ZFHX2: variants seen among roughly 807,000 people sequenced by gnomAD.
ZFHX2 encodes zinc finger homeobox protein 2.
Under a neutral mutation model 164.8 loss-of-function variants are expected in ZFHX2, and 75 were observed. That is an observed-to-expected ratio of 0.46 (90% confidence interval 0.38 to 0.55). The LOEUF is 0.55. Ranked by LOEUF, ZFHX2 falls within the 20% of genes least tolerant of loss-of-function variation. ZFHX2 has a pLI of 0.00. For synonymous variants in ZFHX2, 1,217 were observed against 1,351.4 expected (o/e 0.90, Z 2.18); for missense variants, 2,933 against 3,308.0 (o/e 0.89, Z 2.78).
chr14:23,531,537 C>A lies in ZFHX2; in HGVS notation c.2744G>T (p.Gly915Val), dbSNP rs1023544314. The A allele has an allele frequency of 6.6e-7, 1 of 1,515,804 alleles. No individual in the cohort carries two copies. The highest frequency in any genetic ancestry group is 8.8e-7 in the Non-Finnish European group (1 of 1,134,364). 93.9% of individuals were successfully genotyped at this position (1,515,804 alleles called of 1,614,324 possible). A position where few individuals can be genotyped will look rare whatever the true frequency, so the allele number is the denominator to read the frequency against. Reference protein sequence around the residue: ...LLQNGPTTEEGLAALQSILSF... With the variant: ...LLQNGPTTEEVLAALQSILSF... Reference sequence around the variant, plus strand: ...CAGGATGCTCTGAAGAGCTGCGAGTCCTTCCTCAGTGGTTGGGCCATTCTG... The same window carrying A: ...CAGGATGCTCTGAAGAGCTGCGAGTACTTCCTCAGTGGTTGGGCCATTCTG... The change falls in exon 4 of 10, where the codon GGA (glycine) becomes GTA (valine). Residue 915 changes from glycine (G) to valine (V), a missense_variant. By Grantham distance (109) the Gly-to-Val change is moderately radical (BLOSUM62 -3). Coordinates refer to ENST00000419474, the MANE Select transcript of ZFHX2 (RefSeq NM_033400.3).
chr14:23,541,125 C>T (rs570310651), intron 1 of ZFHX2, among the ~76,000 whole-genome samples: 5 of 151,872 alleles, frequency 3.3e-5, no homozygotes, highest in Admixed American at 6.6e-5. Context: ...AGGCTGGTCT[C>T]GAACTCCTGA....
At chr14:23,544,830 C>T (rs1477875747) in intron 1 of ZFHX2, among the ~76,000 whole-genome samples, 1 of 152,202 alleles carries the variant, frequency 6.6e-6, no homozygotes, top group East Asian at 1.9e-4. Context: ...TTCTTTCCCT[C>T]CGGCTCGCCA....
intron 3 of ZFHX2, chr14:23,532,329 C>G: frequency 2.2e-6 from 1 of 463,272 alleles, no homozygotes; most frequent in Non-Finnish European, 3.6e-6. Context: ...CCCTCCAGGG[C>G]CAAACACCAG....
Position 23,533,691 on chromosome 14 carries a change from C to T in ZFHX2, c.1635G>A (p.Gly545=). 1 of 1,539,306 alleles carries T rather than the reference C, an allele frequency of 6.5e-7. No homozygotes were observed. ...NLQGFQAGPG[G]QGSPPEASLP... is the part of the protein sequence containing the mutation. ...GTGATGCCTCTGGTGGACTTCCCTG[C>T]CCACCAGGGCCCGCCTGGAAGCCCT... Residue 545 remains glycine, a synonymous_variant, in exon 2 of 10, where the codon GGG becomes GGA. Transcript: ENST00000419474. The surrounding 1 kb of genome is among the most constrained non-coding windows in gnomAD (Gnocchi z 4.8).
chr14:23,533,121 A>T lies in ZFHX2; in HGVS notation c.2042-37T>A. ...AGACAGATTAGTGGCCCAAGAAAGAAATGGGGCACGGTTGGTTCTCTATGT... is the reference window on the plus strand; with the variant it reads ...AGACAGATTAGTGGCCCAAGAAAGATATGGGGCACGGTTGGTTCTCTATGT... On this transcript the variant is annotated intron_variant, in intron 2 of 9. Coordinates refer to ENST00000419474, the MANE Select transcript of ZFHX2 (RefSeq NM_033400.3). This position sits in a 1 kb window ranked among gnomAD's most constrained non-coding sequence, Gnocchi z 4.8. The T allele has an allele frequency of 1.0e-5, 15 of 1,481,610 alleles. No homozygotes were observed. Among genetic ancestry groups the T allele is most frequent in the Non-Finnish European group, 1.1e-5 (12 of 1,117,578 alleles). 91.8% of individuals were successfully genotyped at this position (1,481,610 alleles called of 1,614,324 possible). A position where few individuals can be genotyped will look rare whatever the true frequency, so the allele number is the denominator to read the frequency against.
chr14:23,526,146 G>T lies in ZFHX2; in HGVS notation c.3796C>A (p.His1266Asn). The T allele has an allele frequency of 1.3e-6, 2 of 1,536,468 alleles. No individual in the cohort carries two copies. The highest frequency in any genetic ancestry group is 1.7e-6 in the Non-Finnish European group (2 of 1,146,928). The part of the protein sequence containing the change: ...SYNQSSTLEI[H>N]MRSVLHQTRS... ...GTCTGATGCAGAACTGACCGCATGT[G>T]GATCTCCAGGGTGGAGCTCTGGTTG... Residue 1266 changes from histidine to asparagine, a missense_variant, in exon 9 of 10, where the codon CAC becomes AAC. By Grantham distance (68) the His-to-Asn change is moderately conservative. Transcript: ENST00000419474.
In ZFHX2 at chr14:23,531,719, A is replaced by C; in HGVS notation, c.2562T>G (p.Phe854Leu). 1 of 1,342,576 alleles carries C rather than the reference A, an allele frequency of 7.4e-7. No individual in the cohort carries two copies. Among genetic ancestry groups the C allele is most frequent in the Non-Finnish European group, 9.6e-7 (1 of 1,043,208 alleles). 83.2% of individuals were successfully genotyped at this position (1,342,576 alleles called of 1,614,324 possible). A position where few individuals can be genotyped will look rare whatever the true frequency, so the allele number is the denominator to read the frequency against. ...AHEENSQIYK[F>L]LLDMEGAEAG... ...CCTCCGCTCCCTCCATGTCCAGCAG[A>C]AACTAGAACCATGGGAAGAGGCTGG... is the stretch of plus-strand genomic sequence containing the variant. Residue 854 changes from phenylalanine to leucine, a missense_variant and splice_region_variant, in exon 4 of 10, where the codon TTT (phenylalanine) becomes TTG (leucine). Coordinates refer to ENST00000419474, the MANE Select transcript of ZFHX2 (RefSeq NM_033400.3).
chr14:23,535,137 C>T lies in ZFHX2; in HGVS notation c.189G>A (p.Ser63=), dbSNP rs1391717092. The change falls in exon 2 of 10, where the codon TCG becomes TCA. Residue 63 remains serine, a synonymous_variant. Transcript: ENST00000419474. The surrounding 1 kb of genome is among the most constrained non-coding windows in gnomAD (Gnocchi z 4.5). ...CCTTTGGTGGGACGAGGCCACAGCC[C>T]GACTCCAGGAGCTGTCCCCCTGGCT... is the stretch of plus-strand genomic sequence containing the variant. The part of the protein sequence containing the change: ...SSEPGGQLLE[S]GCGLVPPKEI... 1.5e-5 allele frequency: 23 copies of T among 1,535,992 alleles called. No individual in the cohort carries two copies. Among genetic ancestry groups the T allele is most frequent in the South Asian group, 4.8e-5 (4 of 84,066 alleles).
chr14:23,528,798 C>G (rs1031737021), intron 6 of ZFHX2: 42 of 985,318 alleles, frequency 4.3e-5, no homozygotes, highest in Non-Finnish European at 2.4e-6. Flanking sequence ...AGCCACACTT[C>G]CAGAGGGGTG....
chr14:23,531,552 G>A lies in ZFHX2; in HGVS notation c.2729C>T (p.Pro910Leu), dbSNP rs1363135773. ...AGCTGCGAGTCCTTCCTCAGTGGTT[G>A]GGCCATTCTGTAGCAGCTGCAGACG... Reference protein sequence around the residue: ...QRRLQLLQNGPTTEEGLAALQ... With the variant: ...QRRLQLLQNGLTTEEGLAALQ... Residue 910 changes from proline to leucine, a missense_variant, in exon 4 of 10, where the codon CCA (proline) becomes CTA (leucine). By Grantham distance (98) the Pro-to-Leu change is moderately conservative. Coordinates refer to ENST00000419474, the MANE Select transcript of ZFHX2 (RefSeq NM_033400.3). The A allele has an allele frequency of 6.6e-7, 1 of 1,522,550 alleles. No homozygotes were observed. Among genetic ancestry groups the A allele is most frequent in the South Asian group, 1.2e-5 (1 of 82,328 alleles). The allele number at this position is 1,522,550 out of a possible 1,614,324, so 94.3% of individuals were successfully genotyped here. A position where few individuals can be genotyped will look rare whatever the true frequency, so the allele number is the denominator to read the frequency against.
chr14:23,530,378 TAC>T (rs1403981086), intron 4 of ZFHX2, 184 bp from the exon 5 acceptor site: 1 of 698,820 alleles, frequency 1.4e-6, no homozygotes, highest in African/African-American at 1.8e-5. Context: ...GAGGGAAAAT[TAC>T]AGTATTAGAA....
At position 23,551,323 on chromosome 14, in the gene ZFHX2, T is replaced by C. The variant is rs1881930483; in HGVS notation, c.-50+20A>G. The C allele has an allele frequency of 6.6e-6, 1 of 152,248 alleles. No individual in the cohort carries two copies. Among genetic ancestry groups the C allele is most frequent in the South Asian group, 2.1e-4 (1 of 4,800 alleles). 9.4% of individuals were successfully genotyped at this position (152,248 alleles called of 1,614,324 possible). A position where few individuals can be genotyped will look rare whatever the true frequency, so the allele number is the denominator to read the frequency against. On this transcript the variant is annotated intron_variant, in intron 1 of 9. Transcript: ENST00000419474. The surrounding 1 kb of genome is among the most constrained non-coding windows in gnomAD (Gnocchi z 5.3). ...GGAGAAAAAAACCAACCCAGCAGCA[T>C]CGGAAATCGATGCACTTACACCTCA...
upstream of ZFHX2, among the ~76,000 whole-genome samples, chr14:23,552,758 T>C (rs2138958379): frequency 6.6e-6 from 1 of 151,864 alleles, no homozygotes; most frequent in South Asian, 2.1e-4. Flanking sequence ...CCCACCACCA[T>C]GCCCTGCTAA....
chr14:23,523,576 C>G lies in ZFHX2; in HGVS notation c.6366G>C (p.Lys2122Asn). Residue 2122 changes from lysine to asparagine, a missense_variant, in exon 9 of 10, where the codon AAG becomes AAC. By Grantham distance (94) the Lys-to-Asn change is moderately conservative. Transcript: ENST00000419474. The surrounding 1 kb of genome is among the most constrained non-coding windows in gnomAD (Gnocchi z 4.1). ...CAGCGGCTGTCCCCTGTAGTTTGGC[C>G]TTCTTTTCCTTGGCACGAGCATTCT... is the stretch of plus-strand genomic sequence containing the variant. ...WFQNARAKEK[K>N]AKLQGTAAGS... 1 of 1,544,254 alleles carries G rather than the reference C, an allele frequency of 6.5e-7. No homozygotes were observed. The highest frequency in any genetic ancestry group is 8.7e-7 in the Non-Finnish European group (1 of 1,150,612).
At position 23,525,484 on chromosome 14, in the gene ZFHX2, C is replaced by T. The variant is rs1878583638; in HGVS notation, c.4458G>A (p.Gly1486=). 1 of 1,535,860 alleles carries T rather than the reference C, an allele frequency of 6.5e-7. No homozygotes were observed. The highest frequency in any genetic ancestry group is 8.7e-7 in the Non-Finnish European group (1 of 1,146,904). ...GGDKLACGAC[G]KLFSNMLILK... is the part of the protein sequence containing the mutation. ...GGATAAGCATATTGGAGAAGAGTTT[C>T]CCACAGGCCCCACAGGCCAGCTTGT... Residue 1486 remains glycine, a synonymous_variant, in exon 9 of 10, where the codon GGG becomes GGA. Coordinates refer to ENST00000419474, the MANE Select transcript of ZFHX2 (RefSeq NM_033400.3). This position sits in a 1 kb window ranked among gnomAD's most constrained non-coding sequence, Gnocchi z 5.9.
chr14:23,529,442 C>T, intron 6 of ZFHX2: 1 of 454,670 alleles, frequency 2.2e-6, no homozygotes, highest in South Asian at 2.4e-5. Flanking sequence ...CTCTTTCCTA[C>T]TCTCAGCACA....
At chr14:23,531,782 T>C in intron 3 of ZFHX2, 61 bp from the exon 4 acceptor site, 11 of 400,106 alleles carry the variant, frequency 2.7e-5, no homozygotes, top group East Asian at 7.7e-5. Flanking sequence ...CTCAGGGGAC[T>C]TTTTTTTTTT....
chr14:23,531,607 G>C lies in ZFHX2; in HGVS notation c.2674C>G (p.Pro892Ala), dbSNP rs1347171394. 7 of 1,525,068 alleles carry C rather than the reference G, an allele frequency of 4.6e-6. No homozygotes were observed. Among genetic ancestry groups the C allele is most frequent in the Non-Finnish European group, 5.3e-6 (6 of 1,140,190 alleles). The allele number at this position is 1,525,068 out of a possible 1,614,324, so 94.5% of individuals were successfully genotyped here. The change falls in exon 4 of 10, where the codon CCT becomes GCT. Residue 892 changes from proline (P) to alanine (A), a missense_variant. Coordinates refer to ENST00000419474, the MANE Select transcript of ZFHX2 (RefSeq NM_033400.3). ...TGGGCCTGGGCATCGCGGTGGGCAG[G>C]TGTGCGCAGGTGTTGCAGCACAGCC... ...RLAVLQHLRT[P>A]AHRDAQAQRR...
At position 23,529,726 on chromosome 14, in the gene ZFHX2, C is replaced by T. The variant is rs776557447; in HGVS notation, c.2918G>A (p.Ser973Asn). 297 of 1,536,114 alleles carry T rather than the reference C, an allele frequency of 1.9e-4. No homozygotes were observed. Among genetic ancestry groups the T allele is most frequent in the Middle Eastern group, 5.0e-4 (3 of 6,012 alleles). The change falls in exon 6 of 10, where the codon AGT (serine) becomes AAT (asparagine). Residue 973 changes from serine to asparagine, a missense_variant. Ser to Asn is a conservative substitution (Grantham distance 46). Transcript: ENST00000419474. Reference protein sequence around the residue: ...TENKTGPSRDSANQTTVYCCP... With the variant: ...TENKTGPSRDNANQTTVYCCP... ...AATTCTGACCGTGGTCTGGTTGGCA[C>T]TGTCTCTGGAAGGGCCAGTCTTGTT...
Sources: gnomAD v4.1 joint callset for allele counts (sites outside exome capture counted in the v4.1 genomes callset) on GRCh38, gnomAD v4.1.1 for gene constraint, Gnocchi (gnomAD v3.1) non-coding constraint, MANE v1.5 for transcripts, NCBI Gene and HGNC (gene_info 2026-07-23, HGNC 2026-07-21) for gene names.